The following LHX4 variants were observed in gnomAD, a reference collection of about 807,000 sequenced individuals.
LHX4 encodes the protein LIM homeobox 4.
In LHX4, 16 loss-of-function variants were observed where a neutral mutation model predicts 39.2. The ratio of observed to expected loss-of-function variants is 0.41; its 90% CI spans 0.28 to 0.62. The LOEUF (loss-of-function observed/expected upper bound fraction) is 0.62, where lower values mean the gene tolerates loss of function less well. Among genes scored for constraint, LHX4 ranks in the 20% least tolerant of loss-of-function variants. LHX4 has a pLI of 0.33. For missense variants in LHX4, 439 were observed against 511.9 expected (o/e 0.86, Z 1.37); for synonymous variants, 206 against 198.1 (o/e 1.04, Z -0.33).
intron 1 of LHX4, among the ~76,000 whole-genome samples, chr1:180,246,918 C>A (rs1258550753): frequency 6.6e-6 from 1 of 152,166 alleles, no homozygotes; most frequent in Non-Finnish European, 1.5e-5. Flanking sequence ...TAGGCAGTGA[C>A]CGTTTAGACA....
rs776568291 is a variant in LHX4, at chr1:180,271,388, G to A, written c.460G>A (p.Glu154Lys). 7 of 1,614,092 alleles carry A rather than the reference G, an allele frequency of 4.3e-6. No homozygotes were observed. The highest frequency in any genetic ancestry group is 5.9e-6 in the Non-Finnish European group (7 of 1,180,042). The change falls in exon 4 of 6, where the codon GAG becomes AAG. Residue 154 changes from glutamate (E) to lysine (K), a missense_variant. Glu to Lys is a moderately conservative substitution (Grantham distance 56). Transcript: ENST00000263726. Reference sequence around the variant, plus strand: ...GTGGTTTTTCCTTGCAGATGACTCAGAGGCTGGAGCTAAGCGGCCCCGGAC... The same window carrying A: ...GTGGTTTTTCCTTGCAGATGACTCAAAGGCTGGAGCTAAGCGGCCCCGGAC... ...YETAKQNDDS[E>K]AGAKRPRTTI...
At position 180,271,531 on chromosome 1, in the gene LHX4, A is replaced by G. The variant is rs1648658643; in HGVS notation, c.603A>G (p.Val201=). 6.2e-7 allele frequency: 1 copy of G among 1,614,126 alleles called. No homozygotes were observed. Among genetic ancestry groups the G allele is most frequent in the Non-Finnish European group, 8.5e-7 (1 of 1,180,024 alleles). The change falls in exon 4 of 6, where the codon GTA becomes GTG. Residue 201 remains valine, a synonymous_variant. Coordinates refer to ENST00000263726, the MANE Select transcript of LHX4 (RefSeq NM_033343.4). ...AGACAGGCCTGGACATGAGGGTCGT[A>G]CAGGTGAGATGCCAGCACTCCTGTG... ...SSETGLDMRV[V]QVWFQNRRAK...
At chr1:180,238,219 TG>T (rs1340435822) in intron 1 of LHX4, among the ~76,000 whole-genome samples, 1 of 152,214 alleles carries the variant, frequency 6.6e-6, no homozygotes, top group Non-Finnish European at 1.5e-5. Context: ...TTTCTATTTT[TG>T]ACTAAGCCGA....
chr1:180,234,051 G>T lies in LHX4; in HGVS notation c.76+3446G>T, dbSNP rs1426946506. Among the ~76,000 whole-genome samples the T allele has an allele frequency of 1.3e-5, 2 of 150,370 alleles. No homozygotes were observed. The highest frequency in any genetic ancestry group is 1.3e-4 in the Admixed American group (2 of 15,074). The stretch of plus-strand genomic sequence containing the variant: ...TTCTTGCAGGACATTTCTTAAGGGG[G>T]TGAGATGGATTCACTGTCCAAGACA... On this transcript the variant is annotated intron_variant, in intron 1 of 5. Transcript: ENST00000263726. This position sits in a 1 kb window ranked among gnomAD's most constrained non-coding sequence, Gnocchi z 4.8.
intron 2 of LHX4, chr1:180,248,773 A>G: frequency 2.4e-6 from 1 of 409,038 alleles, no homozygotes; most frequent in Non-Finnish European, 4.6e-6. Context: ...TCCAAAGAGC[A>G]ACAGAAAGAG....
At chr1:180,270,442 T>C (rs1648576586) in intron 3 of LHX4, 1 of 152,244 alleles carries the variant, frequency 6.6e-6, no homozygotes, top group Non-Finnish European at 1.5e-5. Flanking sequence ...AAAAGGGCAG[T>C]ATGCCTAAGT....
intron 1 of LHX4, among the ~76,000 whole-genome samples, chr1:180,237,248 AGCAG>A (rs1165157147): frequency 6.6e-6 from 1 of 152,138 alleles, no homozygotes; most frequent in Non-Finnish European, 1.5e-5. Context: ...TCGTGTGTCC[AGCAG>A]GCTGCACCGT....
rs748773452 is a variant in LHX4, at chr1:180,266,594, G to C, written c.451G>C (p.Asp151His). 3.1e-6 allele frequency: 5 copies of C among 1,613,844 alleles called. No homozygotes were observed. Among genetic ancestry groups the C allele is most frequent in the Middle Eastern group, 1.6e-4 (1 of 6,062 alleles). Reference protein sequence around the residue: ...KEDYETAKQNDDSEAGAKRPR... With the variant: ...KEDYETAKQNHDSEAGAKRPR... Reference sequence around the variant, plus strand: ...AGACTACGAGACAGCCAAGCAGAACGGTAAGCAGCATGGCCCCGCATGGTC... The same window carrying C: ...AGACTACGAGACAGCCAAGCAGAACCGTAAGCAGCATGGCCCCGCATGGTC... The change falls in exon 3 of 6, where the codon GAT (aspartate) becomes CAT (histidine). Residue 151 changes from aspartate (D) to histidine (H), a missense_variant and splice_region_variant. By Grantham distance (81) the Asp-to-His change is moderately conservative. Coordinates refer to ENST00000263726, the MANE Select transcript of LHX4 (RefSeq NM_033343.4). The surrounding 1 kb of genome is among the most constrained non-coding windows in gnomAD (Gnocchi z 5.7).
chr1:180,256,595 C>G (rs541452646), intron 2 of LHX4, among the ~76,000 whole-genome samples: 1 of 152,146 alleles, frequency 6.6e-6, no homozygotes, highest in East Asian at 1.9e-4. Flanking sequence ...TGATGAGTGA[C>G]CTGCAGATGC....
At position 180,276,778 on chromosome 1, in the gene LHX4, C is replaced by A. The variant is rs1649055479; in HGVS notation, c.*2199C>A. 6.6e-6 allele frequency: 1 copy of A among 150,694 alleles called. No individual in the cohort carries two copies. Among genetic ancestry groups the A allele is most frequent in the African/African-American group, 2.4e-5 (1 of 40,892 alleles). 9.3% of individuals were successfully genotyped at this position (150,694 alleles called of 1,614,324 possible). A position where few individuals can be genotyped will look rare whatever the true frequency, so the allele number is the denominator to read the frequency against. ...TTTGGCTTAGCAACTCATGGGATTT[C>A]AGAGGCCCTTGAAGTTTTTGGTGAG... On this transcript the variant is annotated 3_prime_UTR_variant, in exon 6 of 6. Coordinates refer to ENST00000263726, the MANE Select transcript of LHX4 (RefSeq NM_033343.4).
At position 180,248,366 on chromosome 1, in the gene LHX4, C is replaced by G; in HGVS notation, c.158C>G (p.Ser53Cys). The change falls in exon 2 of 6, where the codon TCC (serine) becomes TGC (cysteine). Residue 53 changes from serine to cysteine, a missense_variant. Coordinates refer to ENST00000263726, the MANE Select transcript of LHX4 (RefSeq NM_033343.4). ...GTCCTGGACAGACACTGGCACAGCT[C>G]CTGCCTCAAGTGTGCAGACTGCCAG... is the stretch of plus-strand genomic sequence containing the variant. ...LKVLDRHWHS[S>C]CLKCADCQMQ... The G allele has an allele frequency of 1.9e-6, 3 of 1,614,248 alleles. No individual in the cohort carries two copies. Among genetic ancestry groups the G allele is most frequent in the Non-Finnish European group, 2.5e-6 (3 of 1,180,040 alleles).
chr1:180,229,944 A>G (rs1336468506), upstream of LHX4, among the ~76,000 whole-genome samples: 2 of 43,942 alleles, frequency 4.6e-5, no homozygotes, highest in African/African-American at 2.1e-4. Context: ...GGCTGGGCGG[A>G]GGCGGAGGCG....
rs1378077060 is a variant in LHX4, at chr1:180,230,675, G to A, written c.76+70G>A. 6 of 1,465,604 alleles carry A rather than the reference G, an allele frequency of 4.1e-6. 1 individual carries two copies. The highest frequency in any genetic ancestry group is 1.4e-5 in the African/African-American group (1 of 72,066). The allele number at this position is 1,465,604 out of a possible 1,614,324, so 90.8% of individuals were successfully genotyped here. On this transcript the variant is annotated intron_variant, in intron 1 of 5. Transcript: ENST00000263726. The surrounding 1 kb of genome is among the most constrained non-coding windows in gnomAD (Gnocchi z 5.8). ...CTAGCAGCCTCAGCCGCTGCGGGGCGGGCCGGACGCCGCTCAGGGGCCGGG... is the reference window on the plus strand; with the variant it reads ...CTAGCAGCCTCAGCCGCTGCGGGGCAGGCCGGACGCCGCTCAGGGGCCGGG...
intron 2 of LHX4, 102 bp downstream of exon 2, chr1:180,248,558 T>G: frequency 7.7e-7 from 1 of 1,303,982 alleles, no homozygotes; most frequent in South Asian, 1.2e-5. Flanking sequence ...GGGTGGAGAG[T>G]CCACTCTGGG....
At chr1:180,229,561 C>CG (rs1031988044), upstream of LHX4, among the ~76,000 whole-genome samples, 11 of 152,032 alleles carry the variant, frequency 7.2e-5, no homozygotes, top group African/African-American at 2.4e-4. Flanking sequence ...CAGCCAGACG[C>CG]GGGGGAGAGA....
rs1266846098 is a variant in LHX4, at chr1:180,275,594, GTCTACCCCTC to G, written c.*1017_*1026del. 4.6e-5 allele frequency: 7 copies of G among 152,210 alleles called. No homozygotes were observed. Among genetic ancestry groups the G allele is most frequent in the Non-Finnish European group, 1.0e-4 (7 of 68,052 alleles). The allele number at this position is 152,210 out of a possible 1,614,324, so 9.4% of individuals were successfully genotyped here. ...GGAGTTGGTTTAGATGAGCTTGCAA[GTCTACCCCTC>G]TGAAAGCTTTCTCTGCTGTCCTAGC... On this transcript the variant is annotated 3_prime_UTR_variant, in exon 6 of 6. Coordinates refer to ENST00000263726, the MANE Select transcript of LHX4 (RefSeq NM_033343.4).
upstream of LHX4, chr1:180,230,223 A>C: frequency 3.0e-5 from 12 of 400,312 alleles, no homozygotes; most frequent in East Asian, 5.1e-5. This position sits in a 1 kb window ranked among gnomAD's most constrained non-coding sequence, Gnocchi z 5.8. Context: ...GTGGAGGGGG[A>C]GGGGGAAGGA....
intron 2 of LHX4, among the ~76,000 whole-genome samples, chr1:180,258,942 G>A (rs1647985586): frequency 6.6e-6 from 1 of 152,200 alleles, no homozygotes; most frequent in Admixed American, 6.5e-5. Flanking sequence ...TGAAGTTACA[G>A]TGGTCTGAGA....
At chr1:180,260,409 G>A (rs539477248) in intron 2 of LHX4, among the ~76,000 whole-genome samples, 3 of 151,808 alleles carry the variant, frequency 2.0e-5, no homozygotes, top group Non-Finnish European at 4.4e-5. Context: ...CTTTCTACAG[G>A]GTCCAGACCC....
Sources: gnomAD v4.1 joint callset for allele counts (sites outside exome capture counted in the v4.1 genomes callset) on GRCh38, gnomAD v4.1.1 for gene constraint, Gnocchi (gnomAD v3.1) non-coding constraint, MANE v1.5 for transcripts, NCBI Gene and HGNC (gene_info 2026-07-23, HGNC 2026-07-21) for gene names.